The following ANGPT1 variants were observed in gnomAD, a reference collection of about 807,000 sequenced individuals.
ANGPT1 encodes angiopoietin-1.
A neutral mutation model predicts 62.2 loss-of-function variants in ANGPT1; 17 were observed. The observed-to-expected ratio is 0.27, with a 90% CI of 0.19 to 0.41. The LOEUF (loss-of-function observed/expected upper bound fraction) is 0.41, where lower values mean the gene tolerates loss of function less well. Among genes scored for constraint, ANGPT1 ranks in the 10% least tolerant of loss-of-function variants. The probability of loss-of-function intolerance (pLI) is 1.00; values close to 1 mark genes in which losing one functional copy is unlikely to be tolerated. For missense variants in ANGPT1, 478 were observed against 594.9 expected (o/e 0.80, Z 2.04); for synonymous variants, 199 against 198.9 (o/e 1.00, Z 0.00).
intron 1 of ANGPT1, among the ~76,000 whole-genome samples, chr8:107,390,231 AC>A (rs1392514686): frequency 6.6e-6 from 1 of 152,178 alleles, no homozygotes; most frequent in African/African-American, 2.4e-5. Context: ...TATGTATGTG[AC>A]TATTAGAAAG....
chr8:107,333,741 TACTGATA>T (rs1815479898), intron 3 of ANGPT1, among the ~76,000 whole-genome samples: 1 of 152,070 alleles, frequency 6.6e-6, no homozygotes, highest in Non-Finnish European at 1.5e-5. Flanking sequence ...AACTCACTTT[TACTGATA>T]GAGCAGAGAG....
intron 3 of ANGPT1, among the ~76,000 whole-genome samples, chr8:107,325,608 T>C (rs1815267934): frequency 6.6e-6 from 1 of 152,172 alleles, no homozygotes; most frequent in South Asian, 2.1e-4. Context: ...ATAGTTATAA[T>C]TTGTATTTAT....
chr8:107,405,024 G>A (rs1181326519), intron 1 of ANGPT1, among the ~76,000 whole-genome samples: 1 of 151,964 alleles, frequency 6.6e-6, no homozygotes, highest in Non-Finnish European at 1.5e-5. Context: ...ACCATGGGTT[G>A]ATGATTCCAT....
At chr8:107,431,999 G>A (rs1469506249) in intron 1 of ANGPT1, among the ~76,000 whole-genome samples, 1 of 151,992 alleles carries the variant, frequency 6.6e-6, no homozygotes, top group South Asian at 2.1e-4. Context: ...ACTCAATTGA[G>A]CATAGATGTT....
chr8:107,333,543 A>T (rs1280581995), intron 3 of ANGPT1, among the ~76,000 whole-genome samples: 1 of 152,184 alleles, frequency 6.6e-6, no homozygotes, highest in African/African-American at 2.4e-5. Flanking sequence ...GCAATAAATG[A>T]TGTGATTTAC....
intron 1 of ANGPT1, among the ~76,000 whole-genome samples, chr8:107,459,525 C>CAAA (rs1278572569): frequency 3.2e-5 from 4 of 123,898 alleles, no homozygotes; most frequent in South Asian, 2.6e-4. Flanking sequence ...ACAACAACAA[C>CAAA]AACAAAACAA....
intron 1 of ANGPT1, among the ~76,000 whole-genome samples, chr8:107,443,037 T>A (rs1359626118): frequency 6.6e-6 from 1 of 152,220 alleles, no homozygotes; most frequent in African/African-American, 2.4e-5. Flanking sequence ...TCATTAAGCA[T>A]GTCCCAATTA....
chr8:107,426,865 A>G (rs535503040), intron 1 of ANGPT1, among the ~76,000 whole-genome samples: 16 of 152,208 alleles, frequency 1.1e-4, no homozygotes, highest in Admixed American at 2.6e-4. Context: ...CTCTTTTTCA[A>G]TATAGGACCT....
At chr8:107,355,683 TG>T (rs1480773149) in intron 1 of ANGPT1, among the ~76,000 whole-genome samples, 3 of 152,204 alleles carry the variant, frequency 2.0e-5, no homozygotes, top group Non-Finnish European at 4.4e-5. Context: ...TCCCTTTTCT[TG>T]GGCTAGGTCC....
At chr8:107,279,278 A>C (rs1187824243) in intron 7 of ANGPT1, among the ~76,000 whole-genome samples, 1 of 152,242 alleles carries the variant, frequency 6.6e-6, no homozygotes, top group African/African-American at 2.4e-5. Context: ...GTTCTATTGT[A>C]GAAAATTTTT....
At chr8:107,441,411 C>A (rs1009242287) in intron 1 of ANGPT1, among the ~76,000 whole-genome samples, 4 of 152,166 alleles carry the variant, frequency 2.6e-5, no homozygotes, top group Non-Finnish European at 5.9e-5. Context: ...TCTGAGTTCA[C>A]TTGTACCCTA....
intron 1 of ANGPT1, among the ~76,000 whole-genome samples, chr8:107,365,859 AC>A (rs1816261889): frequency 2.8e-5 from 2 of 71,544 alleles, no homozygotes; most frequent in African/African-American, 7.3e-5. Context: ...CAAATACAAC[AC>A]ACACACACAC....
intron 1 of ANGPT1, among the ~76,000 whole-genome samples, chr8:107,491,616 G>A (rs1296359673): frequency 6.6e-6 from 1 of 152,150 alleles, no homozygotes; most frequent in African/African-American, 2.4e-5. Context: ...TAAAGTCCCT[G>A]AGGCAGGAAT....
intron 1 of ANGPT1, among the ~76,000 whole-genome samples, chr8:107,399,422 A>G (rs1438136165): frequency 6.6e-6 from 1 of 152,222 alleles, no homozygotes; most frequent in African/African-American, 2.4e-5. Context: ...TTTTCATTGT[A>G]CTATCAAAAA....
intron 1 of ANGPT1, among the ~76,000 whole-genome samples, chr8:107,374,394 G>A (rs1170145776): frequency 6.6e-6 from 1 of 152,146 alleles, no homozygotes; most frequent in Non-Finnish European, 1.5e-5. Flanking sequence ...CTTAAAAGAA[G>A]AAAAACAAAT....
At chr8:107,293,237 T>TGAC (rs1491136379) in intron 6 of ANGPT1, among the ~76,000 whole-genome samples, 4 of 144,588 alleles carry the variant, frequency 2.8e-5, no homozygotes, top group Admixed American at 6.9e-5. Context: ...ATGATGATGA[T>TGAC]GCCTGCTGTT....
chr8:107,252,067 TAA>T lies in ANGPT1; in HGVS notation c.1337-54_1337-53del. 1.9e-6 allele frequency: 3 copies of T among 1,554,446 alleles called. No homozygotes were observed. In the South Asian group the frequency reaches 3.5e-5, roughly 18 times the overall value. ...GAGAAGGAGAGGCAACAATTTTAAGTAAATGGAATATTTGGAAATTAATGGCA... is the reference window on the plus strand; with the variant it reads ...GAGAAGGAGAGGCAACAATTTTAAGTATGGAATATTTGGAAATTAATGGCA... On this transcript the variant is annotated intron_variant, in intron 8 of 8. Transcript: ENST00000517746.
intron 5 of ANGPT1, among the ~76,000 whole-genome samples, chr8:107,297,185 CAG>C (rs1332813175): frequency 2.6e-5 from 4 of 151,994 alleles, no homozygotes; most frequent in Non-Finnish European, 5.9e-5. Context: ...AGCTGAGGGA[CAG>C]AGAGGTTAAA....
At chr8:107,291,047 G>A (rs908103020) in intron 6 of ANGPT1, among the ~76,000 whole-genome samples, 1 of 152,102 alleles carries the variant, frequency 6.6e-6, no homozygotes, top group Non-Finnish European at 1.5e-5. Context: ...TAATAATAAT[G>A]TATTTCAGAT....
Sources: allele counts gnomAD v4.1 joint callset (sites outside exome capture counted in the v4.1 genomes callset), GRCh38; gene constraint gnomAD v4.1.1; transcripts MANE v1.5; gene names NCBI Gene and HGNC (gene_info 2026-07-23, HGNC 2026-07-21).